The following ACSM2B variants were observed in gnomAD, a reference collection of about 807,000 sequenced individuals.
The protein encoded by ACSM2B is acyl-coenzyme A synthetase ACSM2B, mitochondrial.
A neutral mutation model predicts 78.6 loss-of-function variants in ACSM2B; 58 were observed. The ratio of observed to expected loss-of-function variants is 0.74; its 90% confidence interval spans 0.60 to 0.92. The LOEUF is 0.92. ACSM2B is among the 40% of genes least tolerant of loss of function. The pLI is 0.00. For synonymous variants in ACSM2B, 257 were observed against 256.8 expected, an observed-to-expected ratio of 1.00 and a Z score of -0.01; for missense variants, 688 against 711.2, an observed-to-expected ratio of 0.97 and a Z score of 0.37.
intron 6 of ACSM2B, among the ~76,000 whole-genome samples, chr16:20,550,385 T>C (rs1361627068): frequency 6.6e-6 from 1 of 152,194 alleles, no homozygotes; most frequent in African/African-American, 2.4e-5. Context: ...AACTTGCAAC[T>C]ACATACTCAT....
At chr16:20,568,237 A>T (rs906441282) in intron 1 of ACSM2B, among the ~76,000 whole-genome samples, 1 of 144,722 alleles carries the variant, frequency 6.9e-6, no homozygotes, top group Non-Finnish European at 1.5e-5. Flanking sequence ...TATATGTTTT[A>T]TATATACTAT....
At chr16:20,558,735 G>A (rs984605507) in intron 3 of ACSM2B, among the ~76,000 whole-genome samples, 2 of 152,288 alleles carry the variant, frequency 1.3e-5, no homozygotes, top group South Asian at 4.1e-4. Flanking sequence ...AAATATTTTA[G>A]GTTTTGTGGA....
Position 20,542,999 on chromosome 16 carries a change from G to T in ACSM2B, c.1424C>A (p.Pro475His), listed in dbSNP as rs372282906. 4.0e-5 allele frequency: 65 copies of T among 1,613,408 alleles called. No homozygotes were observed. The Middle Eastern group carries it at 4.9e-4, about 12-fold the overall frequency. ...IINSSGYRIG[P>H]SEVENALMKH... ...CATCAGTGCATTCTCTACCTCCGAG[G>T]GTCCAATCCGGTACCTGCAGAAGAA... is the stretch of plus-strand genomic sequence containing the variant. The change falls in exon 12 of 14, where the codon CCC (proline) becomes CAC (histidine). Residue 475 changes from proline to histidine, a missense_variant. Physicochemically the swap from Pro to His is moderately conservative, Grantham distance 77. Transcript: ENST00000329697.
intron 3 of ACSM2B, among the ~76,000 whole-genome samples, chr16:20,556,053 G>A (rs933890384): frequency 2.7e-5 from 4 of 150,128 alleles, no homozygotes; most frequent in Admixed American, 1.3e-4. Context: ...ATTAAATTAA[G>A]CTAATTCACA....
intron 2 of ACSM2B, among the ~76,000 whole-genome samples, chr16:20,563,014 G>A (rs1223684907): frequency 6.6e-6 from 1 of 152,052 alleles, no homozygotes; most frequent in Non-Finnish European, 1.5e-5. Flanking sequence ...CAACCAATCA[G>A]TAGCACCCAT....
At chr16:20,548,798 G>A (rs374867572) in intron 6 of ACSM2B, among the ~76,000 whole-genome samples, 1 of 152,094 alleles carries the variant, frequency 6.6e-6, no homozygotes, top group Admixed American at 6.5e-5. Flanking sequence ...TCACCCCCCA[G>A]CAACCAAGGG....
rs570019823 is a variant in ACSM2B, at chr16:20,538,882, G to C, written c.1630-1520C>G. Among the ~76,000 whole-genome samples, 4 of 152,204 alleles carry C rather than the reference G, an allele frequency of 2.6e-5. 1 individual carries two copies. The highest frequency in any genetic ancestry group is 9.6e-5 in the African/African-American group (4 of 41,542). Reference sequence around the variant, plus strand: ...CTCTCAGAGGCTGCAAGTCCATGTGGTGGACTCTGATATGCAGCTAAGATC... The same window carrying C: ...CTCTCAGAGGCTGCAAGTCCATGTGCTGGACTCTGATATGCAGCTAAGATC... On this transcript the variant is annotated intron_variant, in intron 13 of 13. Transcript: ENST00000329697.
At chr16:20,560,495 A>T (rs2015619047) in intron 2 of ACSM2B, among the ~76,000 whole-genome samples, 1 of 151,946 alleles carries the variant, frequency 6.6e-6, no homozygotes, top group African/African-American at 2.4e-5. Flanking sequence ...TTCCAACATT[A>T]TTGTAAATTT....
chr16:20,545,824 A>T (rs2015123498), intron 9 of ACSM2B, among the ~76,000 whole-genome samples: 1 of 152,228 alleles, frequency 6.6e-6, no homozygotes, highest in South Asian at 2.1e-4. Flanking sequence ...AGAACTATAC[A>T]CATAACACAG....
In ACSM2B at chr16:20,552,239, G is replaced by A; in HGVS notation, c.799C>T (p.Leu267=). The A allele has an allele frequency of 1.2e-6, 2 of 1,613,916 alleles. No individual in the cohort carries two copies. The highest frequency in any genetic ancestry group is 1.7e-6 in the Non-Finnish European group (2 of 1,179,834). ...TCCAAAAGTGAGCCCAAGATGTTCAGTATCCAACCTGTGTCTGATATGGTC... is the reference window on the plus strand; with the variant it reads ...TCCAAAAGTGAGCCCAAGATGTTCAATATCCAACCTGTGTCTGATATGGTC... ...MWTISDTGWI[L]NILGSLLESW... is the part of the protein sequence containing the mutation. Residue 267 remains leucine (L), a synonymous_variant, in exon 6 of 14, where the codon CTG becomes TTG. Coordinates refer to ENST00000329697, the MANE Select transcript of ACSM2B (RefSeq NM_001105069.2).
rs983764502 is a variant in ACSM2B at position 20,555,547 on chromosome 16, C to T, written c.389-71G>A. 6 of 1,597,622 alleles carry T rather than the reference C, an allele frequency of 3.8e-6. No homozygotes were observed. In the African/African-American group the frequency reaches 4.0e-5, roughly 11 times the overall value. On this transcript the variant is annotated intron_variant, in intron 3 of 13. Coordinates refer to ENST00000329697, the MANE Select transcript of ACSM2B (RefSeq NM_001105069.2). ...TGTCCCTAGAGAAGCCTGAGATAAA[C>T]ATCAAGCAGGGAGCAAGTGGGGAAG...
intron 5 of ACSM2B, 73 bp downstream of exon 5, chr16:20,553,704 A>T: frequency 6.4e-7 from 1 of 1,567,828 alleles, no homozygotes; most frequent in Non-Finnish European, 8.7e-7. Context: ...GCCCAGGAGC[A>T]TTGGATTTGA....
At chr16:20,570,962 T>C (rs2016077025) in intron 1 of ACSM2B, among the ~76,000 whole-genome samples, 2 of 151,946 alleles carry the variant, frequency 1.3e-5, no homozygotes, top group Admixed American at 6.6e-5. Flanking sequence ...TTTTCTCTCT[T>C]CTTTTTTTTG....
chr16:20,548,904 G>A (rs112952375), intron 6 of ACSM2B, among the ~76,000 whole-genome samples: 1 of 152,052 alleles, frequency 6.6e-6, no homozygotes, highest in Non-Finnish European at 1.5e-5. Flanking sequence ...TTATTTTCCT[G>A]AAAATATTTT....
In ACSM2B at chr16:20,540,432, G is replaced by A. The variant is rs149445539; in HGVS notation, c.1629+222C>T. On this transcript the variant is annotated intron_variant, in intron 13 of 13. Transcript: ENST00000329697. ...TAATTTTTGCATTTTGGGTAGAGAC[G>A]GGGTTTCACCATTTTGGCCAGGCTG... is the stretch of plus-strand genomic sequence containing the variant. Among the ~76,000 whole-genome samples the A allele has an allele frequency of 1.2e-4, 19 of 152,054 alleles. No individual in the cohort carries two copies. The East Asian group carries it at 3.1e-3, about 25-fold the overall frequency.
At chr16:20,574,467 G>A (rs1328267506) in intron 1 of ACSM2B, 1 of 151,978 alleles carries the variant, frequency 6.6e-6, no homozygotes, top group African/African-American at 2.4e-5. Flanking sequence ...TGTTAATTGG[G>A]AACGTGATAA....
rs1262450908 is a variant in ACSM2B at position 20,552,179 on chromosome 16, G to A, written c.859C>T (p.Leu287Phe). ...WTLGACTFVHLLPKFDPLVIL... is the reference protein window; with the variant it reads ...WTLGACTFVHFLPKFDPLVIL... ...ACCAGTGGGTCAAACTTTGGCAAGA[G>A]ATGAACAAATGTGCATGCTCCTAAT... Residue 287 changes from leucine (L) to phenylalanine (F), a missense_variant, in exon 6 of 14, where the codon CTC becomes TTC. By Grantham distance (22) the Leu-to-Phe change is conservative. Coordinates refer to ENST00000329697, the MANE Select transcript of ACSM2B (RefSeq NM_001105069.2). 1 of 1,613,644 alleles carries A rather than the reference G, an allele frequency of 6.2e-7. No individual in the cohort carries two copies. The highest frequency in any genetic ancestry group is 1.3e-5 in the African/African-American group (1 of 75,028).
chr16:20,560,713 T>A (rs1367794300), intron 2 of ACSM2B, among the ~76,000 whole-genome samples: 4 of 152,066 alleles, frequency 2.6e-5, no homozygotes, highest in South Asian at 2.1e-4. Context: ...CTCTGGAACT[T>A]GGTCATGGGA....
intron 3 of ACSM2B, among the ~76,000 whole-genome samples, chr16:20,557,059 A>G (rs529259634): frequency 6.6e-6 from 1 of 152,160 alleles, no homozygotes; most frequent in South Asian, 2.1e-4. Context: ...GTGTGCAAGC[A>G]GAGGTGGAAA....
Sources: gnomAD v4.1 joint callset for allele counts (sites outside exome capture counted in the v4.1 genomes callset) on GRCh38, gnomAD v4.1.1 for gene constraint, MANE v1.5 for transcripts, NCBI Gene and HGNC (gene_info 2026-07-23, HGNC 2026-07-21) for gene names.